MPRIP: variants seen among roughly 807,000 people sequenced by gnomAD.
The protein encoded by MPRIP is myosin phosphatase Rho-interacting protein.
In MPRIP, 59 loss-of-function variants were observed where a neutral mutation model predicts 234.9. The observed-to-expected ratio is 0.25, with a 90% CI of 0.20 to 0.31. The LOEUF (loss-of-function observed/expected upper bound fraction) is 0.31. Ranked by LOEUF, MPRIP falls within the 10% of genes least tolerant of loss-of-function variation. The pLI is 1.00. For synonymous variants in MPRIP, 1,144 were observed against 1,263.9 expected (o/e 0.91, Z 2.01); for missense variants, 2,436 against 3,071.0 (o/e 0.79, Z 4.89).
At chr17:17,135,987 C>G (rs961688036) in intron 5 of MPRIP, among the ~76,000 whole-genome samples, 1 of 152,234 alleles carries the variant, frequency 6.6e-6, no homozygotes, top group Admixed American at 6.5e-5. Flanking sequence ...GGTGTGTTCT[C>G]TTTCCTTACT....
chr17:17,143,592 G>C lies in MPRIP; in HGVS notation c.1426G>C (p.Asp476His), dbSNP rs760578116. ...TGAAGCCCCCCCAGCTCCTCTCCCA[G>C]ACGCCTCGGCTTCCCCCCTGTCTCC... ...TNEAPPAPLP[D>H]ASASPLSPHR... Residue 476 changes from aspartate to histidine, a missense_variant, in exon 9 of 24, where the codon GAC becomes CAC. By Grantham distance (81) the Asp-to-His change is moderately conservative. Coordinates refer to ENST00000651222, the MANE Select transcript of MPRIP (RefSeq NM_001364716.4). The C allele has an allele frequency of 1.2e-6, 2 of 1,603,434 alleles. No individual in the cohort carries two copies. The highest frequency in any genetic ancestry group is 3.4e-5 in the Admixed American group (2 of 58,380).
At chr17:17,127,985 C>A (rs2090525678) in intron 4 of MPRIP, among the ~76,000 whole-genome samples, 1 of 152,204 alleles carries the variant, frequency 6.6e-6, no homozygotes. Context: ...CATTTCTGAG[C>A]ACCTGGAGCC....
chr17:17,161,191 T>A (rs747769438), intron 14 of MPRIP, 49 bp from the exon 15 acceptor site: 18 of 1,379,434 alleles, frequency 1.3e-5, no homozygotes, highest in Admixed American at 1.8e-5. Context: ...GCAGCTGCTT[T>A]GTTTATCATT....
chr17:17,127,084 C>T (rs2090506173), intron 4 of MPRIP, among the ~76,000 whole-genome samples: 1 of 152,210 alleles, frequency 6.6e-6, no homozygotes, highest in African/African-American at 2.4e-5. Flanking sequence ...GCCACCTTAC[C>T]CTCCTCGGGC....
chr17:17,115,723 C>T lies in MPRIP; in HGVS notation c.268-10979C>T, dbSNP rs904553608. On this transcript the variant is annotated intron_variant, in intron 3 of 23. Coordinates refer to ENST00000651222, the MANE Select transcript of MPRIP (RefSeq NM_001364716.4). Reference sequence around the variant, plus strand: ...TCCCATCTTTATCGATTGGCCTGTCCTGGACGCTTGATGTAAATGGAGTCA... The same window carrying T: ...TCCCATCTTTATCGATTGGCCTGTCTTGGACGCTTGATGTAAATGGAGTCA... 5.3e-5 allele frequency among the ~76,000 whole-genome samples: 8 copies of T among 152,318 alleles called. No homozygotes were observed. In the South Asian group the frequency reaches 1.2e-3, roughly 24 times the overall value.
Position 17,192,036 on chromosome 17 carries a change from C to T in MPRIP, c.*7142C>T, listed in dbSNP as rs1437990688. 6.6e-6 allele frequency: 1 copy of T among 152,138 alleles called. No individual in the cohort carries two copies. The highest frequency in any genetic ancestry group is 1.5e-5 in the Non-Finnish European group (1 of 68,034). 9.4% of individuals were successfully genotyped at this position (152,138 alleles called of 1,614,324 possible). ...TAATGATTTTTCTCACAGCTGTGCC[C>T]TTCTGTCAGGGTCAGTGTCAAAATT... On this transcript the variant is annotated 3_prime_UTR_variant, in exon 24 of 24. Coordinates refer to ENST00000651222, the MANE Select transcript of MPRIP (RefSeq NM_001364716.4).
intron 23 of MPRIP, chr17:17,180,685 C>G: frequency 6.2e-7 from 1 of 1,607,678 alleles, no homozygotes. Context: ...CCGCCTCTCC[C>G]ACCGCCTGCA....
chr17:17,166,351 C>G lies in MPRIP; in HGVS notation c.4760C>G (p.Thr1587Arg). The change falls in exon 16 of 24, where the codon ACA becomes AGA. Residue 1587 changes from threonine (T) to arginine (R), a missense_variant. Transcript: ENST00000651222. This position sits in a 1 kb window ranked among gnomAD's most constrained non-coding sequence, Gnocchi z 4.4. Reference sequence around the variant, plus strand: ...ATAGCAGATTCCCTGAAGAACACAACATCAGATGTCTCCCGAATGCTCCAT... The same window carrying G: ...ATAGCAGATTCCCTGAAGAACACAAGATCAGATGTCTCCCGAATGCTCCAT... Reference protein sequence around the residue: ...SQIADSLKNTTSDVSRMLHEI... With the variant: ...SQIADSLKNTRSDVSRMLHEI... The G allele has an allele frequency of 7.7e-7, 1 of 1,304,618 alleles. No individual in the cohort carries two copies. The highest frequency in any genetic ancestry group is 1.0e-6 in the Non-Finnish European group (1 of 989,048). 80.8% of individuals were successfully genotyped at this position (1,304,618 alleles called of 1,614,324 possible).
intron 1 of MPRIP, among the ~76,000 whole-genome samples, chr17:17,071,563 G>A (rs957324828): frequency 3.9e-5 from 6 of 152,108 alleles, no homozygotes; most frequent in Admixed American, 6.5e-5. Flanking sequence ...CTGCCCCATC[G>A]TCCAGGAAGC....
At chr17:17,046,389 T>A (rs1297109067) in intron 1 of MPRIP, among the ~76,000 whole-genome samples, 4 of 152,228 alleles carry the variant, frequency 2.6e-5, no homozygotes, top group African/African-American at 9.6e-5. Flanking sequence ...CGTGCATGCA[T>A]GAATGCAAGT....
chr17:17,058,706 T>C (rs2088782055), intron 1 of MPRIP, among the ~76,000 whole-genome samples: 1 of 152,202 alleles, frequency 6.6e-6, no homozygotes, highest in Non-Finnish European at 1.5e-5. Flanking sequence ...TGGAGTCTGT[T>C]TCATTTCCAG....
Position 17,138,071 on chromosome 17 carries a change from C to G in MPRIP, c.892C>G (p.His298Asp). 6.3e-7 allele frequency: 1 copy of G among 1,599,546 alleles called. No individual in the cohort carries two copies. The highest frequency in any genetic ancestry group is 1.3e-5 in the African/African-American group (1 of 74,188). ...CCCTCCCAGCCCCAGCACCCCCAACCACAGGTACAGTTGCCCCGAGTCGCC... is the reference window on the plus strand; with the variant it reads ...CCCTCCCAGCCCCAGCACCCCCAACGACAGGTACAGTTGCCCCGAGTCGCC... ...LSPPSPSTPN[H>D]RYSCPESPSQ... The change falls in exon 7 of 24, where the codon CAC becomes GAC. Residue 298 changes from histidine (H) to aspartate (D), a missense_variant. His to Asp is a moderately conservative substitution (Grantham distance 81). Transcript: ENST00000651222. The surrounding 1 kb of genome is among the most constrained non-coding windows in gnomAD (Gnocchi z 5.8).
chr17:17,119,569 G>A (rs1352021526), intron 3 of MPRIP, among the ~76,000 whole-genome samples: 2 of 152,220 alleles, frequency 1.3e-5, no homozygotes, highest in African/African-American at 4.8e-5. Context: ...TCAGAACAAT[G>A]ATGTGCCTGC....
Position 17,138,041 on chromosome 17 carries a change from C to G in MPRIP, c.862C>G (p.Leu288Val). 1 of 1,609,782 alleles carries G rather than the reference C, an allele frequency of 6.2e-7. No homozygotes were observed. Among genetic ancestry groups the G allele is most frequent in the Non-Finnish European group, 8.5e-7 (1 of 1,178,330 alleles). The change falls in exon 7 of 24, where the codon CTC becomes GTC. Residue 288 changes from leucine to valine, a missense_variant. Physicochemically the swap from Leu to Val is conservative, Grantham distance 32. Coordinates refer to ENST00000651222, the MANE Select transcript of MPRIP (RefSeq NM_001364716.4). This position sits in a 1 kb window ranked among gnomAD's most constrained non-coding sequence, Gnocchi z 5.8. Reference sequence around the variant, plus strand: ...TGAAGAACAGCAGCTGCCCCCGCCGCTCTCCCCTCCCAGCCCCAGCACCCC... The same window carrying G: ...TGAAGAACAGCAGCTGCCCCCGCCGGTCTCCCCTCCCAGCCCCAGCACCCC... ...KAEEQQLPPP[L>V]SPPSPSTPNH...
chr17:17,134,722 G>A (rs1300719187), intron 5 of MPRIP, among the ~76,000 whole-genome samples: 2 of 152,234 alleles, frequency 1.3e-5, no homozygotes, highest in Non-Finnish European at 2.9e-5. Flanking sequence ...TCTGGAGCAC[G>A]TGGTGGAAAC....
At chr17:17,171,280 C>T (rs1473669094) in intron 16 of MPRIP, 2 of 163,920 alleles carry the variant, frequency 1.2e-5, no homozygotes, top group Non-Finnish European at 2.7e-5. Flanking sequence ...TCCCTCATCC[C>T]TGTTTTACGG....
intron 16 of MPRIP, among the ~76,000 whole-genome samples, chr17:17,169,579 A>G (rs1597501945): frequency 6.6e-6 from 1 of 152,232 alleles, no homozygotes; most frequent in South Asian, 2.1e-4. Context: ...GGCCCCTCCC[A>G]GGGGCTTGGA....
rs150741724 is a variant in MPRIP at position 17,177,459 on chromosome 17, G to A, written c.7120+47G>A. On this transcript the variant is annotated intron_variant, in intron 22 of 23. Coordinates refer to ENST00000651222, the MANE Select transcript of MPRIP (RefSeq NM_001364716.4). ...TCTCGGTTATTGCTGGGGGGCTTATGGGGGTTTGGTCGTAGAGGTTTCCCG... is the reference window on the plus strand; with the variant it reads ...TCTCGGTTATTGCTGGGGGGCTTATAGGGGTTTGGTCGTAGAGGTTTCCCG... The A allele has an allele frequency of 2.5e-6, 4 of 1,592,274 alleles. No individual in the cohort carries two copies. The East Asian group carries it at 6.8e-5, about 27-fold the overall frequency.
intron 1 of MPRIP, among the ~76,000 whole-genome samples, chr17:17,072,372 C>T (rs1198308276): frequency 6.6e-6 from 1 of 152,218 alleles, no homozygotes; most frequent in Non-Finnish European, 1.5e-5. Flanking sequence ...ACTCCCTCTG[C>T]ACACCTGCCT....
Sources: gnomAD v4.1 joint callset for allele counts (sites outside exome capture counted in the v4.1 genomes callset) on GRCh38, gnomAD v4.1.1 for gene constraint, Gnocchi (gnomAD v3.1) non-coding constraint, MANE v1.5 for transcripts, NCBI Gene and HGNC (gene_info 2026-07-23, HGNC 2026-07-21) for gene names.